KIAA1210: variants seen among roughly 807,000 people sequenced by gnomAD.
KIAA1210 encodes the protein KIAA1210.
In KIAA1210, 48 loss-of-function variants were observed where a neutral mutation model predicts 78.9. That is an observed-to-expected ratio of 0.61 (90% CI 0.48 to 0.77). KIAA1210 has a LOEUF of 0.77. Ranked by LOEUF, KIAA1210 falls within the 30% of genes least tolerant of loss-of-function variation. The pLI is 0.00. For missense variants in KIAA1210, 1,108 were observed against 1,100.0 expected, an observed-to-expected ratio of 1.01 and a Z score of -0.10; for synonymous variants, 406 against 404.5, an observed-to-expected ratio of 1.00 and a Z score of -0.04.
At chrX:119,096,797 T>C (rs1390990574) in intron 6 of KIAA1210, 106 bp from the exon 7 acceptor site, 1 of 562,332 alleles carries the variant, frequency 1.8e-6, no homozygotes, top group Non-Finnish European at 2.8e-6. Flanking sequence ...AAATCCTTCA[T>C]GAACTATTGT....
intron 2 of KIAA1210, among the ~76,000 whole-genome samples, chrX:119,119,792 C>T (rs776239841): frequency 9.5e-4 from 104 of 109,592 alleles, no homozygotes; most frequent in African/African-American, 2.9e-3. Flanking sequence ...CTGGCTAACA[C>T]GGTGAAACCC....
chrX:119,127,938 A>G (rs979333217), upstream of KIAA1210, among the ~76,000 whole-genome samples: 2 of 110,233 alleles, frequency 1.8e-5, no homozygotes, highest in Admixed American at 1.9e-4. Flanking sequence ...TTTTCCTCCT[A>G]CCTTATTGGC....
intron 3 of KIAA1210, among the ~76,000 whole-genome samples, chrX:119,113,175 C>T (rs191599808): frequency 4.5e-5 from 5 of 110,394 alleles, no homozygotes; most frequent in East Asian, 5.7e-4. Context: ...GCCTGGCGGG[C>T]GTTGGGGGAA....
intron 3 of KIAA1210, among the ~76,000 whole-genome samples, chrX:119,112,973 T>G (rs73592489): frequency 1.4e-3 from 158 of 112,017 alleles, no homozygotes; most frequent in African/African-American, 4.9e-3. Context: ...ATGGATAAAA[T>G]GTGGTATAGT....
At position 119,087,539 on chromosome X, in the gene KIAA1210, T is replaced by G. The variant is rs761826606; in HGVS notation, c.3163A>C (p.Lys1055Gln). 2 of 1,209,546 alleles carry G rather than the reference T, an allele frequency of 1.7e-6. No individual in the cohort carries two copies. The highest frequency in any genetic ancestry group is 1.7e-5 in the African/African-American group (1 of 57,149). ...AAAACTTGGTGCTTGACTTCAGGCTTTGATAAAGATTTGGAAGGAAGATTG... is the reference window on the plus strand; with the variant it reads ...AAAACTTGGTGCTTGACTTCAGGCTGTGATAAAGATTTGGAAGGAAGATTG... ...PPNLPSKSLS[K>Q]PEVKHQVFSD... The change falls in exon 9 of 12, where the codon AAG becomes CAG. Residue 1055 changes from lysine to glutamine, a missense_variant. By Grantham distance (53) the Lys-to-Gln change is moderately conservative (BLOSUM62 1). This residue lies in a region of KIAA1210 where 179 missense variants were observed against 174.1 expected (regional missense o/e 1.03). Transcript: ENST00000691062.
intron 8 of KIAA1210, among the ~76,000 whole-genome samples, chrX:119,090,110 T>A (rs2147172904): frequency 9.0e-6 from 1 of 110,916 alleles, no homozygotes; most frequent in East Asian, 2.8e-4. Context: ...ACTTTCTAAT[T>A]AGCATTTCTA....
At chrX:119,131,524 C>T (rs189617287), upstream of KIAA1210, among the ~76,000 whole-genome samples, 118 of 112,153 alleles carry the variant, frequency 1.1e-3, no homozygotes, top group African/African-American at 3.6e-3. Flanking sequence ...ATGTAACAAA[C>T]CTACCCATGT....
In KIAA1210 at chrX:119,081,121, G is replaced by A. The variant is rs1407065622; in HGVS notation, c.*208C>T. On this transcript the variant is annotated 3_prime_UTR_variant, in exon 12 of 12. Transcript: ENST00000691062. ...TACTAAAAATACGAAAACAAAATTA[G>A]CCGGGCGTGATGGCGGGCGCCTGTA... is the stretch of plus-strand genomic sequence containing the variant. 1 of 280,768 alleles carries A rather than the reference G, an allele frequency of 3.6e-6. No homozygotes were observed. Among genetic ancestry groups the A allele is most frequent in the African/African-American group, 2.8e-5 (1 of 35,370 alleles). The allele number at this position is 280,768 out of a possible 1,213,427, so 23.1% of individuals were successfully genotyped here. A position where few individuals can be genotyped will look rare whatever the true frequency, so the allele number is the denominator to read the frequency against.
Position 119,087,937 on chromosome X carries a change from T to C in KIAA1210, c.2765A>G (p.Tyr922Cys). The C allele has an allele frequency of 8.3e-7, 1 of 1,211,938 alleles. No homozygotes were observed. Among genetic ancestry groups the C allele is most frequent in the Non-Finnish European group, 1.1e-6 (1 of 895,464 alleles). The change falls in exon 9 of 12, where the codon TAT becomes TGT. Residue 922 changes from tyrosine to cysteine, a missense_variant. By Grantham distance (194) the Tyr-to-Cys change is radical. This residue lies in a region of KIAA1210 where 179 missense variants were observed against 174.1 expected (regional missense o/e 1.03). Coordinates refer to ENST00000691062, the MANE Select transcript of KIAA1210 (RefSeq NM_001394962.1). ...GCTTTCTGGATGTGCAGAGAGTTGATACAGTTCCTCAAATTTAGGGGTCAC... is the reference window on the plus strand; with the variant it reads ...GCTTTCTGGATGTGCAGAGAGTTGACACAGTTCCTCAAATTTAGGGGTCAC... ...PWVTPKFEELYQLSAHPESTT... is the reference protein window; with the variant it reads ...PWVTPKFEELCQLSAHPESTT...
rs1926891064 is a variant in KIAA1210 at position 119,079,938 on chromosome X, C to T, written c.*1391G>A. On this transcript the variant is annotated 3_prime_UTR_variant, in exon 12 of 12. Transcript: ENST00000691062. Reference sequence around the variant, plus strand: ...CTAAAACCTTGTGAAGCAAAGACAGCTGAGGGGAAAGGACAAGAAGCTACA... The same window carrying T: ...CTAAAACCTTGTGAAGCAAAGACAGTTGAGGGGAAAGGACAAGAAGCTACA... 8.9e-6 allele frequency: 1 copy of T among 111,805 alleles called. No homozygotes were observed. The highest frequency in any genetic ancestry group is 3.3e-5 in the African/African-American group (1 of 30,672). 9.2% of individuals were successfully genotyped at this position (111,805 alleles called of 1,213,427 possible).
At chrX:119,082,747 G>C (rs183960223) in intron 11 of KIAA1210, among the ~76,000 whole-genome samples, 2 of 112,215 alleles carry the variant, frequency 1.8e-5, no homozygotes, top group Non-Finnish European at 3.8e-5. Flanking sequence ...ATGTTTCAGT[G>C]AGTGACCACA....
intron 2 of KIAA1210, among the ~76,000 whole-genome samples, chrX:119,133,772 G>A (rs1928850672): frequency 9.2e-6 from 1 of 108,618 alleles, no homozygotes; most frequent in Non-Finnish European, 1.9e-5. Context: ...GGCTCTGAGA[G>A]CCCTGGGTGG....
At chrX:119,090,386 C>T (rs1927331457) in intron 8 of KIAA1210, among the ~76,000 whole-genome samples, 1 of 111,078 alleles carries the variant, frequency 9.0e-6, no homozygotes. Flanking sequence ...ATTCTCCTGC[C>T]TCAGCCTCCT....
rs759796378 is a variant in KIAA1210, at chrX:119,108,272, AATTCAAGCATAGATCTGTCTTTCTG to A, written c.492+40_492+64del. ...CACAGCCAGTAAGTAGCAGAGTAGG[AATTCAAGCATAGATCTGTCTTTCTG>A]ACTCAGCTGCCCATGCGCTGAACAA... On this transcript the variant is annotated intron_variant, in intron 5 of 11. Coordinates refer to ENST00000691062, the MANE Select transcript of KIAA1210 (RefSeq NM_001394962.1). 108 of 1,059,493 alleles carry A rather than the reference AATTCAAGCATAGATCTGTCTTTCTG, an allele frequency of 1.0e-4. No homozygotes were observed. In the East Asian group the frequency reaches 3.2e-3, roughly 31 times the overall value. 87.3% of individuals were successfully genotyped at this position (1,059,493 alleles called of 1,213,427 possible).
upstream of KIAA1210, among the ~76,000 whole-genome samples, chrX:119,132,669 T>G (rs1251612787): frequency 9.0e-6 from 1 of 111,722 alleles, no homozygotes; most frequent in East Asian, 2.8e-4. Flanking sequence ...TTCACTCTGT[T>G]GCCCAGGCTA....
upstream of KIAA1210, among the ~76,000 whole-genome samples, chrX:119,128,164 C>T (rs1928696446): frequency 8.9e-6 from 1 of 112,013 alleles, no homozygotes. Flanking sequence ...ACAGGTGAGA[C>T]TGCTTTTAAT....
chrX:119,115,444 A>G (rs910316980), intron 3 of KIAA1210, among the ~76,000 whole-genome samples: 7 of 111,903 alleles, frequency 6.3e-5, no homozygotes, highest in Admixed American at 2.9e-4. Flanking sequence ...GAGGTACTAC[A>G]TAAGCCCCTC....
At chrX:119,138,211 GTTTTTT>G (rs759946882) in intron 2 of KIAA1210, among the ~76,000 whole-genome samples, 2 of 47,831 alleles carry the variant, frequency 4.2e-5, no homozygotes, top group Non-Finnish European at 6.9e-5. Flanking sequence ...TGGTTTGGTT[GTTTTTT>G]TTTTTTTTTT....
chrX:119,143,340 A>C (rs1036281359), intron 2 of KIAA1210, among the ~76,000 whole-genome samples: 1 of 112,304 alleles, frequency 8.9e-6, no homozygotes, highest in South Asian at 3.8e-4. Flanking sequence ...CATTGGATCA[A>C]TAGGCCACAG....
Sources: allele counts gnomAD v4.1 joint callset (sites outside exome capture counted in the v4.1 genomes callset), GRCh38; gene constraint gnomAD v4.1.1; regional missense constraint gnomAD v4.1.1; transcripts MANE v1.5; gene names NCBI Gene and HGNC (gene_info 2026-07-23, HGNC 2026-07-21).